Variants in NEB observed in about 807,000 individuals in gnomAD.
The protein encoded by NEB is nebulin, also known as nemaline myopathy type 2.
Under a neutral mutation model 952.2 loss-of-function variants are expected in NEB, and 512 were observed. The observed-to-expected ratio is 0.54, with a 90% CI of 0.50 to 0.58. The LOEUF (loss-of-function observed/expected upper bound fraction) is 0.58, where lower values mean the gene tolerates loss of function less well. Ranked by LOEUF, NEB falls within the 20% of genes least tolerant of loss-of-function variation. NEB has a pLI of 0.00. For synonymous variants in NEB, 2,900 were observed against 3,149.8 expected (o/e 0.92, Z 2.66); for missense variants, 8,428 against 9,231.1 (o/e 0.91, Z 3.56).
intron 13 of NEB, among the ~76,000 whole-genome samples, chr2:151,705,946 G>A (rs895306202): frequency 7.9e-5 from 12 of 152,142 alleles, no homozygotes; most frequent in African/African-American, 2.4e-4. Context: ...GAGTGAGGGA[G>A]TAAAGACTAC....
chr2:151,516,424 G>A, intron 157 of NEB, 35 bp downstream of exon 157: 2 of 1,412,916 alleles, frequency 1.4e-6, no homozygotes, highest in South Asian at 2.4e-5. Context: ...TAGTGTGATG[G>A]ATCATTGTTG....
chr2:151,565,054 A>G lies in NEB; in HGVS notation c.18461T>C (p.Leu6154Pro). 1 of 1,565,832 alleles carries G rather than the reference A, an allele frequency of 6.4e-7. No individual in the cohort carries two copies. The highest frequency in any genetic ancestry group is 8.8e-7 in the Non-Finnish European group (1 of 1,139,576). Residue 6154 changes from leucine to proline, a missense_variant, in exon 117 of 182, where the codon CTC (leucine) becomes CCC (proline). By Grantham distance (98) the Leu-to-Pro change is moderately conservative. This residue lies in a region of NEB where 3,374 missense variants were observed against 3,651.5 expected (regional missense o/e 0.92). Coordinates refer to ENST00000397345, the MANE Select transcript of NEB (RefSeq NM_001164508.2). ...HISHSKDMGKLYSTILYKGAW... is the reference protein window; with the variant it reads ...HISHSKDMGKPYSTILYKGAW... ...TAAAAGAGAACTTACAGTACTGTAG[A>G]GTTTTCCCATGTCTTTGGAGTGGGA...
In NEB at chr2:151,707,674, C is replaced by T. The variant is rs117787020; in HGVS notation, c.1036-677G>A. Reference sequence around the variant, plus strand: ...CAAGCCCCCATCAGGAGCCTGTCCACAGGGATTAGAACAAGAAACTGATCC... The same window carrying T: ...CAAGCCCCCATCAGGAGCCTGTCCATAGGGATTAGAACAAGAAACTGATCC... On this transcript the variant is annotated intron_variant, in intron 12 of 181. Coordinates refer to ENST00000397345, the MANE Select transcript of NEB (RefSeq NM_001164508.2). Among the ~76,000 whole-genome samples the T allele has an allele frequency of 6.5e-3, 991 of 152,280 alleles. 23 individuals are homozygous for T. The highest frequency in any genetic ancestry group is 0.056 in the East Asian group (290 of 5,180).
intron 34 of NEB, 98 bp from the exon 35 acceptor site, chr2:151,675,489 T>C (rs920261281): frequency 2.5e-6 from 2 of 795,480 alleles, no homozygotes; most frequent in Admixed American, 6.1e-5. Flanking sequence ...GATTTTCTAG[T>C]GTTAAAAATC....
chr2:151,677,654 T>C lies in NEB; in HGVS notation c.3685A>G (p.Arg1229Gly). 2 of 1,614,000 alleles carry C rather than the reference T, an allele frequency of 1.2e-6. No individual in the cohort carries two copies. The highest frequency in any genetic ancestry group is 1.7e-6 in the Non-Finnish European group (2 of 1,179,880). Residue 1229 changes from arginine to glycine, a missense_variant, in exon 34 of 182, where the codon AGG becomes GGG. Physicochemically the swap from Arg to Gly is moderately radical, Grantham distance 125. This residue lies in a region of NEB where 2,851 missense variants were observed against 2,791.5 expected (regional missense o/e 1.02). Coordinates refer to ENST00000397345, the MANE Select transcript of NEB (RefSeq NM_001164508.2). The stretch of plus-strand genomic sequence containing the variant: ...AATTTGAGGGTGTCTGGATGTTGCC[T>C]GTACTTCTTTTCATTCAGAGCATCA... ...AGDALNEKKY[R>G]QHPDTLKFTS...
chr2:151,618,927 T>G (rs182280860), intron 73 of NEB, among the ~76,000 whole-genome samples: 3 of 152,330 alleles, frequency 2.0e-5, no homozygotes, highest in Non-Finnish European at 2.9e-5. Context: ...AGAGATATGT[T>G]TGGTATTTCC....
chr2:151,634,612 A>G (rs1448162830), intron 64 of NEB, among the ~76,000 whole-genome samples: 2 of 152,176 alleles, frequency 1.3e-5, no homozygotes, highest in Non-Finnish European at 2.9e-5. Flanking sequence ...ACTGCACTCC[A>G]GCCTGGGTGA....
At chr2:151,620,784 T>A (rs1028154715) in intron 72 of NEB, 135 bp downstream of exon 72, 2 of 616,224 alleles carry the variant, frequency 3.2e-6, no homozygotes, top group African/African-American at 3.7e-5. Flanking sequence ...GGGCAAGTTA[T>A]CTGTATCTCA....
chr2:151,526,282 G>A lies in NEB; in HGVS notation c.21946-20C>T, dbSNP rs369521405. On this transcript the variant is annotated intron_variant, in intron 148 of 181. Coordinates refer to ENST00000397345, the MANE Select transcript of NEB (RefSeq NM_001164508.2). ...TTTCAGCTTCAGGGGCAGGAAAAGGGGCATTTCTTTAGCTCTGCTGGATAT... is the reference window on the plus strand; with the variant it reads ...TTTCAGCTTCAGGGGCAGGAAAAGGAGCATTTCTTTAGCTCTGCTGGATAT... 3.3e-6 allele frequency: 5 copies of A among 1,537,364 alleles called. No individual in the cohort carries two copies. Among genetic ancestry groups the A allele is most frequent in the Non-Finnish European group, 3.6e-6 (4 of 1,117,980 alleles).
intron 107 of NEB, 27 bp from the exon 108 acceptor site, chr2:151,570,628 T>C (rs1303898008): frequency 6.4e-7 from 1 of 1,556,060 alleles, no homozygotes. Flanking sequence ...TAAGGTATCA[T>C]CCTAGATTCA....
At chr2:151,566,164 G>A (rs1439010983) in intron 114 of NEB, among the ~76,000 whole-genome samples, 1 of 152,188 alleles carries the variant, frequency 6.6e-6, no homozygotes, top group Non-Finnish European at 1.5e-5. Context: ...GCTTACCAAG[G>A]AGGTTGTACT....
chr2:151,663,914 C>A, intron 44 of NEB, 55 bp from the exon 45 acceptor site: 1 of 1,523,730 alleles, frequency 6.6e-7, no homozygotes, highest in Non-Finnish European at 9.0e-7. Flanking sequence ...AACAAAGTAC[C>A]ATTTGCTAGG....
intron 85 of NEB, among the ~76,000 whole-genome samples, chr2:151,604,128 G>A (rs1264560737): frequency 1.7e-5 from 2 of 120,354 alleles, no homozygotes; most frequent in East Asian, 2.1e-4. Context: ...GATCTTAGGA[G>A]GTAAAGAACC....
intron 168 of NEB, among the ~76,000 whole-genome samples, 179 bp downstream of exon 168, chr2:151,501,212 A>G (rs1390353762): frequency 6.6e-6 from 1 of 152,242 alleles, no homozygotes; most frequent in African/African-American, 2.4e-5. Flanking sequence ...TAGAAAGTAT[A>G]AAATGTTTGT....
intron 2 of NEB, among the ~76,000 whole-genome samples, chr2:151,733,415 T>C (rs1215941004): frequency 1.3e-5 from 2 of 152,190 alleles, no homozygotes; most frequent in Admixed American, 1.3e-4. Flanking sequence ...ACATAATCAG[T>C]TTAGTTAAAA....
chr2:151,641,670 T>C (rs1305832519), intron 60 of NEB, among the ~76,000 whole-genome samples: 1 of 152,198 alleles, frequency 6.6e-6, no homozygotes, highest in Non-Finnish European at 1.5e-5. Context: ...TATTTCATTA[T>C]ATGGTATTTA....
intron 155 of NEB, among the ~76,000 whole-genome samples, 163 bp from the exon 156 acceptor site, chr2:151,518,585 C>G (rs1416550428): frequency 6.6e-6 from 1 of 152,090 alleles, no homozygotes; most frequent in Non-Finnish European, 1.5e-5. Flanking sequence ...AATGAGGATC[C>G]AAGTTCAGTA....
chr2:151,658,585 T>G (rs574197358), intron 47 of NEB, among the ~76,000 whole-genome samples: 1 of 152,146 alleles, frequency 6.6e-6, no homozygotes, highest in East Asian at 1.9e-4. Context: ...CAACTATGAT[T>G]AGGATGAAAA....
intron 64 of NEB, 89 bp from the exon 65 acceptor site, chr2:151,634,054 C>T: frequency 7.1e-7 from 1 of 1,413,880 alleles, no homozygotes; most frequent in Non-Finnish European, 9.6e-7. Flanking sequence ...CATCATACTT[C>T]AACTGACTTT....
Sources: allele counts gnomAD v4.1 joint callset (sites outside exome capture counted in the v4.1 genomes callset), GRCh38; gene constraint gnomAD v4.1.1; regional missense constraint gnomAD v4.1.1; transcripts MANE v1.5; gene names NCBI Gene and HGNC (gene_info 2026-07-23, HGNC 2026-07-21).